The following PCBP3 variants were observed in gnomAD, a reference collection of about 807,000 sequenced individuals.
PCBP3 encodes poly(rC)-binding protein 3.
Under a neutral mutation model 52.7 loss-of-function variants are expected in PCBP3, and 25 were observed. That is an observed-to-expected ratio of 0.47 (90% CI 0.35 to 0.66). The LOEUF (loss-of-function observed/expected upper bound fraction) is 0.66, where lower values mean the gene tolerates loss of function less well. PCBP3 is among the 30% of genes least tolerant of loss of function. The probability of loss-of-function intolerance (pLI) is 0.01; values close to 1 mark genes in which losing one functional copy is unlikely to be tolerated. For synonymous variants in PCBP3, 162 were observed against 183.0 expected (o/e 0.89, Z 0.93); for missense variants, 391 against 490.3 (o/e 0.80, Z 1.91).
chr21:45,664,773 C>G (rs1185316762), intron 1 of PCBP3, among the ~76,000 whole-genome samples: 2 of 134,502 alleles, frequency 1.5e-5, no homozygotes, highest in Non-Finnish European at 3.2e-5. Context: ...CCCCTCCCCC[C>G]CACCCCACCA....
chr21:45,814,680 G>GA (rs2092799530), intron 4 of PCBP3, among the ~76,000 whole-genome samples: 1 of 139,582 alleles, frequency 7.2e-6, no homozygotes, highest in Admixed American at 7.0e-5. Context: ...AGTGGTGAGT[G>GA]GTGAGTGAGT....
intron 2 of PCBP3, among the ~76,000 whole-genome samples, chr21:45,729,368 A>G (rs1329910144): frequency 3.9e-5 from 6 of 152,214 alleles, no homozygotes; most frequent in Non-Finnish European, 5.9e-5. Flanking sequence ...GTTATGAACA[A>G]GTATCTGCTT....
At chr21:45,842,476 G>A (rs2330247) in intron 4 of PCBP3, among the ~76,000 whole-genome samples, 125,886 of 152,188 alleles carry the variant, frequency 0.83, 52,329 homozygotes, top group East Asian at 0.93. Context: ...CCTGTCTATA[G>A]AAAGCTCAGT....
chr21:45,899,951 G>A (rs548293545), intron 7 of PCBP3, among the ~76,000 whole-genome samples: 135 of 152,276 alleles, frequency 8.9e-4, no homozygotes, highest in Admixed American at 1.4e-3. Context: ...TCAGCCGGCT[G>A]TGTAGTCTGG....
intron 4 of PCBP3, among the ~76,000 whole-genome samples, chr21:45,794,696 G>A (rs2091823690): frequency 2.0e-5 from 3 of 152,342 alleles, no homozygotes; most frequent in South Asian, 2.1e-4. Context: ...TTGGGAGGCC[G>A]AGGTGGGCGG....
chr21:45,656,458 A>G lies in PCBP3; in HGVS notation c.-278-12416A>G, dbSNP rs1004672511. 9.9e-5 allele frequency among the ~76,000 whole-genome samples: 15 copies of G among 152,122 alleles called. No individual in the cohort carries two copies. Among genetic ancestry groups the G allele is most frequent in the African/African-American group, 2.9e-4 (12 of 41,400 alleles). On this transcript the variant is annotated intron_variant, in intron 1 of 17. Coordinates refer to ENST00000681687, the MANE Select transcript of PCBP3 (RefSeq NM_001384156.1). The surrounding 1 kb of genome is among the most constrained non-coding windows in gnomAD (Gnocchi z 4.3). ...AGTTGAACAATGAGAACACATGGAC[A>G]CAGGGAGGGGAACATCATACACCAG...
chr21:45,778,084 C>T (rs1484729369), intron 4 of PCBP3, among the ~76,000 whole-genome samples: 1 of 151,674 alleles, frequency 6.6e-6, no homozygotes, highest in Non-Finnish European at 1.5e-5. Flanking sequence ...ATAGGGAGGA[C>T]TTTTTCCTGA....
chr21:45,871,798 TC>T, intron 5 of PCBP3: 1 of 152,242 alleles, frequency 6.6e-6, no homozygotes, highest in South Asian at 2.1e-4. Flanking sequence ...GAGCCCCAGT[TC>T]CATGGAGGGA....
At chr21:45,935,855 A>G (rs971394828) in intron 16 of PCBP3, among the ~76,000 whole-genome samples, 18 of 152,324 alleles carry the variant, frequency 1.2e-4, no homozygotes, top group Admixed American at 9.8e-4. Flanking sequence ...CTCAACACAC[A>G]CAGTCCTCCC....
rs78563159 is a variant in PCBP3, at chr21:45,876,086, A to T, written c.11-20122A>T. Among the ~76,000 whole-genome samples, 52 of 152,238 alleles carry T rather than the reference A, an allele frequency of 3.4e-4. No homozygotes were observed. The East Asian group carries it at 8.9e-3, about 26-fold the overall frequency. The stretch of plus-strand genomic sequence containing the variant: ...GCGTTCAGCTTCCCACTAAGACTAG[A>T]GGGCCCGTGGAGCCTGAGATGTTGT... On this transcript the variant is annotated intron_variant, in intron 5 of 17. Coordinates refer to ENST00000681687, the MANE Select transcript of PCBP3 (RefSeq NM_001384156.1).
intron 13 of PCBP3, among the ~76,000 whole-genome samples, chr21:45,922,744 G>A (rs2074621797): frequency 1.3e-5 from 2 of 152,254 alleles, no homozygotes; most frequent in Non-Finnish European, 2.9e-5. Flanking sequence ...CACCAACCCT[G>A]TGAGGCAGAT....
intron 2 of PCBP3, among the ~76,000 whole-genome samples, chr21:45,727,929 T>C (rs1025890956): frequency 6.6e-6 from 1 of 152,248 alleles, no homozygotes; most frequent in African/African-American, 2.4e-5. Context: ...CATGGGTCAA[T>C]TTATTTATCT....
chr21:45,789,287 G>C (rs762659096), intron 4 of PCBP3, among the ~76,000 whole-genome samples: 1 of 152,242 alleles, frequency 6.6e-6, no homozygotes, highest in Admixed American at 6.5e-5. Flanking sequence ...GATTGTGCAC[G>C]TAGTGTACCC....
At chr21:45,846,569 C>A (rs1056286790) in intron 4 of PCBP3, among the ~76,000 whole-genome samples, 11 of 152,134 alleles carry the variant, frequency 7.2e-5, no homozygotes, top group African/African-American at 2.7e-4. Flanking sequence ...ATTTTTGACC[C>A]CTTACCTTGC....
At chr21:45,671,870 G>T (rs1053820126) in intron 2 of PCBP3, among the ~76,000 whole-genome samples, 2 of 152,120 alleles carry the variant, frequency 1.3e-5, no homozygotes, top group Admixed American at 6.5e-5. Context: ...TCAGTGTGGC[G>T]TGTCTGATTC....
intron 4 of PCBP3, among the ~76,000 whole-genome samples, chr21:45,783,804 C>T (rs376899503): frequency 3.3e-5 from 5 of 152,180 alleles, no homozygotes; most frequent in East Asian, 1.9e-4. Context: ...AACCTACTCA[C>T]GCCAGCAGTG....
intron 5 of PCBP3, among the ~76,000 whole-genome samples, chr21:45,894,521 C>T (rs1258255344): frequency 6.6e-6 from 1 of 152,168 alleles, no homozygotes; most frequent in African/African-American, 2.4e-5. Context: ...GGGGCCACGC[C>T]ATGCATTTGA....
intron 4 of PCBP3, among the ~76,000 whole-genome samples, chr21:45,842,141 A>G (rs1459945889): frequency 6.6e-6 from 1 of 152,196 alleles, no homozygotes; most frequent in East Asian, 1.9e-4. Flanking sequence ...TGTATTTCTG[A>G]GATACTTGAG....
intron 2 of PCBP3, among the ~76,000 whole-genome samples, chr21:45,723,871 C>T (rs1253937965): frequency 6.6e-6 from 1 of 152,030 alleles, no homozygotes; most frequent in African/African-American, 2.4e-5. Flanking sequence ...CTTCTTTTTC[C>T]GCTGAGACCA....
Sources: allele counts gnomAD v4.1 joint callset (sites outside exome capture counted in the v4.1 genomes callset), GRCh38; gene constraint gnomAD v4.1.1; non-coding constraint Gnocchi (gnomAD v3.1); transcripts MANE v1.5; gene names NCBI Gene and HGNC (gene_info 2026-07-23, HGNC 2026-07-21).